GSK3B: variants seen among roughly 807,000 people sequenced by gnomAD.
GSK3B encodes glycogen synthase kinase-3 beta.
In GSK3B, 15 loss-of-function variants were observed where a neutral mutation model predicts 56.4. The observed-to-expected ratio is 0.27, with a 90% CI of 0.18 to 0.41. The LOEUF is 0.41. Ranked by LOEUF, GSK3B falls within the 10% of genes least tolerant of loss-of-function variation. GSK3B has a pLI of 1.00. For synonymous variants in GSK3B, 181 were observed against 188.9 expected (o/e 0.96, Z 0.34); for missense variants, 300 against 513.4 (o/e 0.58, Z 4.02).
intron 9 of GSK3B, among the ~76,000 whole-genome samples, chr3:119,856,406 A>T (rs772681871): frequency 7.2e-5 from 11 of 152,176 alleles, no homozygotes; most frequent in Non-Finnish European, 1.5e-4. Context: ...CTAGTGTTTG[A>T]TTGTTTGTTC....
At chr3:120,015,760 A>G (rs9865193) in intron 1 of GSK3B, among the ~76,000 whole-genome samples, 9,151 of 151,912 alleles carry the variant, frequency 0.06, 890 homozygotes, top group African/African-American at 0.21. Context: ...GGTTTGCCAC[A>G]GACTTTGTAA....
chr3:119,993,133 C>T (rs1167564456), intron 2 of GSK3B, among the ~76,000 whole-genome samples: 1 of 146,246 alleles, frequency 6.8e-6, no homozygotes, highest in African/African-American at 2.6e-5. Flanking sequence ...ATGCTACCTC[C>T]TGTGTAAGGA....
chr3:120,029,004 TTC>T, intron 1 of GSK3B: 1 of 615,898 alleles, frequency 1.6e-6, no homozygotes, highest in Non-Finnish European at 3.0e-6. Context: ...CCTTTTATCC[TTC>T]TTTGTATCCT....
chr3:119,869,519 C>T (rs1021969597), intron 8 of GSK3B, among the ~76,000 whole-genome samples: 2 of 152,152 alleles, frequency 1.3e-5, no homozygotes, highest in African/African-American at 2.4e-5. Flanking sequence ...GAAGGTTGAG[C>T]ATAAGAAACA....
chr3:119,992,059 T>A (rs1458747015), intron 2 of GSK3B, among the ~76,000 whole-genome samples: 1 of 152,008 alleles, frequency 6.6e-6, no homozygotes, highest in Admixed American at 6.6e-5. Context: ...TATTAATTTA[T>A]AAATAAAATC....
At chr3:119,997,386 C>T (rs1320440095) in intron 2 of GSK3B, among the ~76,000 whole-genome samples, 1 of 151,854 alleles carries the variant, frequency 6.6e-6, no homozygotes, top group Admixed American at 6.6e-5. Flanking sequence ...AGGAAGACTC[C>T]CATTCCCAAG....
chr3:119,953,842 C>T (rs2057183480), intron 2 of GSK3B, among the ~76,000 whole-genome samples: 1 of 152,104 alleles, frequency 6.6e-6, no homozygotes, highest in South Asian at 2.1e-4. Context: ...ACCTTTTTAA[C>T]GAGGCCATCA....
intron 2 of GSK3B, among the ~76,000 whole-genome samples, chr3:119,965,388 G>A (rs2057310269): frequency 6.9e-6 from 1 of 145,912 alleles, no homozygotes; most frequent in African/African-American, 2.5e-5. Context: ...TTTTTATAGA[G>A]ACAAGGTCTC....
chr3:119,847,510 C>T (rs1203384892), intron 9 of GSK3B, among the ~76,000 whole-genome samples: 1 of 151,690 alleles, frequency 6.6e-6, no homozygotes, highest in Non-Finnish European at 1.5e-5. Context: ...ACAAACCCTA[C>T]CAGTTTAACA....
At chr3:119,957,400 G>C (rs1235982672) in intron 2 of GSK3B, among the ~76,000 whole-genome samples, 2 of 152,196 alleles carry the variant, frequency 1.3e-5, no homozygotes, top group Non-Finnish European at 2.9e-5. Flanking sequence ...AAGGATGCCT[G>C]CATGAACTAA....
intron 6 of GSK3B, among the ~76,000 whole-genome samples, chr3:119,907,999 G>GT (rs1281662054): frequency 1.3e-5 from 2 of 152,168 alleles, no homozygotes; most frequent in East Asian, 3.8e-4. Flanking sequence ...ACCTCTGGCT[G>GT]TATCTAAATA....
intron 2 of GSK3B, among the ~76,000 whole-genome samples, chr3:119,988,240 T>C (rs1256164337): frequency 1.3e-5 from 2 of 152,236 alleles, no homozygotes; most frequent in Non-Finnish European, 2.9e-5. Context: ...ATCTTTTTAA[T>C]GTTTTAACAT....
intron 8 of GSK3B, among the ~76,000 whole-genome samples, chr3:119,870,912 A>T (rs897629610): frequency 1.3e-5 from 2 of 152,214 alleles, no homozygotes; most frequent in African/African-American, 4.8e-5. Flanking sequence ...TGTGAATGAA[A>T]TGAGTAATGC....
chr3:119,876,647 A>G (rs1426939371), intron 7 of GSK3B, 139 bp from the exon 8 acceptor site: 5 of 615,058 alleles, frequency 8.1e-6, no homozygotes, highest in Non-Finnish European at 1.4e-5. Context: ...GAGCAGTGCC[A>G]TGATTTGAAT....
intron 1 of GSK3B, among the ~76,000 whole-genome samples, chr3:120,044,747 A>C (rs931000008): frequency 6.6e-6 from 1 of 151,958 alleles, no homozygotes; most frequent in Non-Finnish European, 1.5e-5. Context: ...CTGACCAATT[A>C]GGTCCTACTA....
At chr3:120,004,333 G>T (rs1305084269) in intron 1 of GSK3B, among the ~76,000 whole-genome samples, 1 of 152,200 alleles carries the variant, frequency 6.6e-6, no homozygotes, top group Non-Finnish European at 1.5e-5. Flanking sequence ...ACCTCTGGGG[G>T]CAGGGCATAT....
chr3:119,886,576 T>C (rs1348128767), intron 7 of GSK3B, among the ~76,000 whole-genome samples: 3 of 152,082 alleles, frequency 2.0e-5, no homozygotes, highest in Admixed American at 2.0e-4. Context: ...ACCATTTGCA[T>C]GTTCACCACA....
intron 1 of GSK3B, among the ~76,000 whole-genome samples, chr3:120,069,808 A>C (rs1252869941): frequency 6.6e-6 from 1 of 152,188 alleles, no homozygotes; most frequent in Non-Finnish European, 1.5e-5. Context: ...CTCACTTAAA[A>C]ACTTCCAGAT....
chr3:120,034,824 G>A (rs1001213154), intron 1 of GSK3B, among the ~76,000 whole-genome samples: 3 of 152,100 alleles, frequency 2.0e-5, no homozygotes, highest in Admixed American at 6.6e-5. Flanking sequence ...AGGAGAGGTC[G>A]AGGTAACTCA....
Sources: gnomAD v4.1 joint callset for allele counts (sites outside exome capture counted in the v4.1 genomes callset) on GRCh38, gnomAD v4.1.1 for gene constraint, MANE v1.5 for transcripts, NCBI Gene and HGNC (gene_info 2026-07-23, HGNC 2026-07-21) for gene names.